The following OVCH1 variants were observed in gnomAD, a reference collection of about 807,000 sequenced individuals.
OVCH1 encodes ovochymase-1.
Under a neutral mutation model 138.4 loss-of-function variants are expected in OVCH1, and 139 were observed. That is an observed-to-expected ratio of 1.00 (90% CI 0.87 to 1.16). The LOEUF (loss-of-function observed/expected upper bound fraction) is 1.16. Ranked by LOEUF, OVCH1 falls within the 50% of genes most tolerant of loss-of-function variation. The pLI is 0.00. For missense variants in OVCH1, 1,367 were observed against 1,357.9 expected, an observed-to-expected ratio of 1.01 and a Z score of -0.11; for synonymous variants, 453 against 467.8, an observed-to-expected ratio of 0.97 and a Z score of 0.41.
In OVCH1 at chr12:29,454,925, A is replaced by G. The variant is rs200149134; in HGVS notation, c.2446T>C (p.Ser816Pro). 1.4e-4 allele frequency: 223 copies of G among 1,609,146 alleles called. 1 individual carries two copies. In the African/African-American group the frequency reaches 2.6e-3, roughly 19 times the overall value. ...TTGCATTTATTATTTGTCTGAAGTGAAGCAGGACCTGTATTTGGGGAGAAC... is the reference window on the plus strand; with the variant it reads ...TTGCATTTATTATTTGTCTGAAGTGGAGCAGGACCTGTATTTGGGGAGAAC... Residue 816 changes from serine to proline, a missense_variant, in exon 21 of 28, where the codon TCA (serine) becomes CCA (proline). Coordinates refer to ENST00000318184, the Ensembl canonical transcript of OVCH1.
chr12:29,494,089 C>A (rs1435021305), intron 4 of OVCH1, among the ~76,000 whole-genome samples: 2 of 152,102 alleles, frequency 1.3e-5, no homozygotes, highest in African/African-American at 4.8e-5. Flanking sequence ...TTCTGAGAAC[C>A]CTCTGTCCAG....
exon 22 of OVCH1, chr12:29,451,395 T>G: frequency 4.3e-6 from 7 of 1,613,136 alleles, no homozygotes; most frequent in Non-Finnish European, 5.9e-6. Context: ...TAGAACTGAG[T>G]CTTGACACAC....
In OVCH1 at chr12:29,462,008, T is replaced by C. The variant is rs144437499; in HGVS notation, c.2126A>G (p.Asp709Gly). 836 of 1,611,066 alleles carry C rather than the reference T, an allele frequency of 5.2e-4. 7 individuals carry two copies. The African/African-American group carries it at 9.6e-3, about 18-fold the overall frequency. Reference sequence around the variant, plus strand: ...CTGTAGGCGACTTGCTAGGCCACCATCTAATGAAGAAACATTCAGAGAGAG... The same window carrying C: ...CTGTAGGCGACTTGCTAGGCCACCACCTAATGAAGAAACATTCAGAGAGAG... Residue 709 changes from aspartate to glycine, a missense_variant and splice_region_variant, in exon 19 of 28, where the codon GAT (aspartate) becomes GGT (glycine). Transcript: ENST00000318184.
At chr12:29,470,927 G>T (rs533570960) in intron 16 of OVCH1, among the ~76,000 whole-genome samples, 71 of 152,050 alleles carry the variant, frequency 4.7e-4, no homozygotes, top group Non-Finnish European at 9.4e-4. Context: ...GGTGTGAGAT[G>T]GTATCTCATT....
At chr12:29,421,610 T>A (rs1214834053) in intron 3 of OVCH1, among the ~76,000 whole-genome samples, 1 of 152,166 alleles carries the variant, frequency 6.6e-6, no homozygotes, top group Admixed American at 6.5e-5. Context: ...GTAACAGATA[T>A]CTAGACTTAT....
chr12:29,444,649 T>A (rs1353198642), intron 23 of OVCH1, among the ~76,000 whole-genome samples: 3 of 152,048 alleles, frequency 2.0e-5, no homozygotes, highest in African/African-American at 7.2e-5. Context: ...TTTTTCCAAA[T>A]ATACAGTATA....
exon 22 of OVCH1, chr12:29,451,521 G>A (rs1423291181): frequency 6.2e-7 from 1 of 1,613,088 alleles, no homozygotes; most frequent in Non-Finnish European, 8.5e-7. Flanking sequence ...ATACCGTGGT[G>A]TGGGAAAAAA....
chr12:29,493,591 T>TGTATGGAA (rs1290788341), intron 4 of OVCH1, among the ~76,000 whole-genome samples: 1 of 152,158 alleles, frequency 6.6e-6, no homozygotes, highest in Non-Finnish European at 1.5e-5. Context: ...TTTCAGATTG[T>TGTATGGAA]CTAGTTCCAT....
chr12:29,487,013 T>C (rs1175972635), intron 7 of OVCH1: 2 of 438,252 alleles, frequency 4.6e-6, no homozygotes, highest in Non-Finnish European at 9.2e-6. Context: ...TGGCCTGTGG[T>C]AGGATCCACA....
exon 4 of OVCH1, chr12:29,412,655 A>G (rs373034674): frequency 2.6e-5 from 4 of 152,372 alleles, no homozygotes; most frequent in Admixed American, 6.5e-5. Context: ...TTCCCCATCC[A>G]GCAGTCATAC....
Position 29,473,020 on chromosome 12 carries a change from C to CCA in OVCH1, c.1675+7_1675+8dup, listed in dbSNP as rs781062520. 2 of 1,601,696 alleles carry CCA rather than the reference C, an allele frequency of 1.2e-6. No homozygotes were observed. Among genetic ancestry groups the CCA allele is most frequent in the Admixed American group, 3.4e-5 (2 of 59,448 alleles). ...TTAAACAGATAGTAATAACATGTCACCAACTCACCATGCAGAATAGCTTTT... is the reference window on the plus strand; with the variant it reads ...TTAAACAGATAGTAATAACATGTCACCACAACTCACCATGCAGAATAGCTTTT... On this transcript the variant is annotated intron_variant, in intron 15 of 27. Coordinates refer to ENST00000318184, the Ensembl canonical transcript of OVCH1.
chr12:29,443,159 GA>G (rs1941531276), intron 25 of OVCH1, among the ~76,000 whole-genome samples: 1 of 151,940 alleles, frequency 6.6e-6, no homozygotes, highest in African/African-American at 2.4e-5. Context: ...AACGTTGTTG[GA>G]CTTTGTTTTT....
At chr12:29,410,405 T>C (rs1257516164), downstream of OVCH1, among the ~76,000 whole-genome samples, 8 of 151,528 alleles carry the variant, frequency 5.3e-5, no homozygotes, top group East Asian at 1.2e-3. Flanking sequence ...TTCCTAGTCT[T>C]GATGGTCTTT....
chr12:29,405,051 A>AAAAC, the OVCH1 span, among the ~76,000 whole-genome samples: 1 of 140,480 alleles, frequency 7.1e-6, no homozygotes, highest in Non-Finnish European at 1.5e-5. Flanking sequence ...AAAAAAAAAA[A>AAAAC]AAAAACAAAA....
At chr12:29,456,246 C>T (rs1941948242) in intron 19 of OVCH1, among the ~76,000 whole-genome samples, 1 of 152,194 alleles carries the variant, frequency 6.6e-6, no homozygotes, top group Non-Finnish European at 1.5e-5. Context: ...AAGTTCAGTG[C>T]TCTTTCCCTT....
the OVCH1 span, among the ~76,000 whole-genome samples, chr12:29,402,392 AT>A: frequency 6.6e-6 from 1 of 152,206 alleles, no homozygotes; most frequent in Non-Finnish European, 1.5e-5. Context: ...TTTTTAGTAA[AT>A]ACTAGGACAT....
At chr12:29,489,567 T>A in intron 6 of OVCH1, 53 bp downstream of exon 6, 1 of 1,513,096 alleles carries the variant, frequency 6.6e-7, no homozygotes, top group South Asian at 1.3e-5. Context: ...AAAGGCAGAA[T>A]CTACTTTCAC....
At chr12:29,424,052 G>A (rs374505888), downstream of OVCH1, among the ~76,000 whole-genome samples, 47 of 152,316 alleles carry the variant, frequency 3.1e-4, no homozygotes, top group African/African-American at 4.6e-4. Flanking sequence ...GAGGTGTGGC[G>A]TGGGAAATCA....
downstream of OVCH1, among the ~76,000 whole-genome samples, chr12:29,409,367 T>C (rs572171798): frequency 5.8e-4 from 89 of 152,286 alleles, 2 homozygotes; most frequent in South Asian, 0.017. Context: ...ATGTATTTGC[T>C]CTTACTTTTC....
Sources: allele counts gnomAD v4.1 joint callset (sites outside exome capture counted in the v4.1 genomes callset), GRCh38; gene constraint gnomAD v4.1.1; transcripts MANE v1.5; gene names NCBI Gene and HGNC (gene_info 2026-07-23, HGNC 2026-07-21).